Variants in MTFR1 observed in about 807,000 individuals in gnomAD.
MTFR1 encodes the protein mitochondrial fission regulator 1.
In MTFR1, 28 loss-of-function variants were observed where a neutral mutation model predicts 38.8. The ratio of observed to expected loss-of-function variants is 0.72; its 90% CI spans 0.53 to 0.99. MTFR1 has a LOEUF of 0.99. Ranked by LOEUF, MTFR1 falls within the 50% of genes least tolerant of loss-of-function variation. The pLI, the probability that MTFR1 is intolerant of heterozygous loss-of-function variation, is 0.00. For missense variants in MTFR1, 358 were observed against 395.5 expected, an observed-to-expected ratio of 0.91 and a Z score of 0.81; for synonymous variants, 145 against 137.0, an observed-to-expected ratio of 1.06 and a Z score of -0.41.
At chr8:65,753,402 C>G (rs1808060715) in intron 3 of MTFR1, among the ~76,000 whole-genome samples, 1 of 152,172 alleles carries the variant, frequency 6.6e-6, no homozygotes, top group Non-Finnish European at 1.5e-5. Flanking sequence ...TGCTATTTCT[C>G]TAAACCATAC....
intron 4 of MTFR1, among the ~76,000 whole-genome samples, chr8:65,695,868 T>C (rs1448132182): frequency 6.6e-6 from 1 of 152,138 alleles, no homozygotes; most frequent in Non-Finnish European, 1.5e-5. Flanking sequence ...GAAGCATGTA[T>C]AGAACGTGAA....
chr8:65,645,248 C>T (rs1028477461), intron 1 of MTFR1, among the ~76,000 whole-genome samples: 9 of 152,210 alleles, frequency 5.9e-5, no homozygotes, highest in Admixed American at 3.9e-4. Context: ...AGCCGGCCTC[C>T]GGGAGGAGCA....
At chr8:65,713,286 C>G (rs906607284), downstream of MTFR1, among the ~76,000 whole-genome samples, 1 of 152,008 alleles carries the variant, frequency 6.6e-6, no homozygotes, top group Non-Finnish European at 1.5e-5. Context: ...ACTAAAAATA[C>G]AAAAATTAGC....
intron 2 of MTFR1, 103 bp downstream of exon 2, chr8:65,670,121 C>CA: frequency 1.0e-6 from 1 of 966,226 alleles, no homozygotes; most frequent in Non-Finnish European, 1.6e-6. Flanking sequence ...ATCTTGAATT[C>CA]AATATGTTTA....
At chr8:65,668,523 T>C (rs1374565095) in intron 1 of MTFR1, among the ~76,000 whole-genome samples, 1 of 111,894 alleles carries the variant, frequency 8.9e-6, no homozygotes, top group East Asian at 1.9e-4. Context: ...TTTTTCTTTT[T>C]TCTTTTTTTT....
intron 4 of MTFR1, among the ~76,000 whole-genome samples, chr8:65,695,013 T>C (rs926428124): frequency 6.6e-6 from 1 of 152,196 alleles, no homozygotes; most frequent in South Asian, 2.1e-4. Flanking sequence ...CTAAGAAACA[T>C]AGAAAAGTTC....
intron 5 of MTFR1, among the ~76,000 whole-genome samples, chr8:65,706,433 T>A (rs1056023748): frequency 6.6e-5 from 10 of 152,112 alleles, no homozygotes; most frequent in African/African-American, 2.2e-4. Context: ...CTTAGTTACT[T>A]CTTGTTTTAG....
intron 3 of MTFR1, chr8:65,734,773 A>C: frequency 7.4e-7 from 1 of 1,350,222 alleles, no homozygotes; most frequent in East Asian, 2.3e-5. Context: ...TTTTCACCTG[A>C]AATCAATGTC....
chr8:65,681,518 CT>C (rs1804887442), intron 2 of MTFR1, among the ~76,000 whole-genome samples: 1 of 152,140 alleles, frequency 6.6e-6, no homozygotes, highest in Admixed American at 6.5e-5. Flanking sequence ...TACTACCTTT[CT>C]TTACTTATTC....
chr8:65,683,551 C>G (rs1352123372), intron 3 of MTFR1, among the ~76,000 whole-genome samples: 2 of 152,034 alleles, frequency 1.3e-5, no homozygotes, highest in Admixed American at 6.6e-5. Context: ...ATATAAAATT[C>G]AACAGATATC....
At chr8:65,674,599 T>A (rs1804659130) in intron 2 of MTFR1, among the ~76,000 whole-genome samples, 1 of 151,860 alleles carries the variant, frequency 6.6e-6, no homozygotes, top group Admixed American at 6.6e-5. Context: ...ACTATAAGAG[T>A]GAGACCCTGC....
chr8:65,709,588 A>G lies in MTFR1; in HGVS notation c.*544A>G, dbSNP rs948778826. 2 of 152,606 alleles carry G rather than the reference A, an allele frequency of 1.3e-5. No individual in the cohort carries two copies. Among genetic ancestry groups the G allele is most frequent in the Admixed American group, 1.3e-4 (2 of 15,326 alleles). The allele number at this position is 152,606 out of a possible 1,614,324, so 9.5% of individuals were successfully genotyped here. A position where few individuals can be genotyped will look rare whatever the true frequency, so the allele number is the denominator to read the frequency against. ...AAACTTCTTGCCTTGAACAGAACTT[A>G]TATCTTAGATTCTCTCTCACATTTT... On this transcript the variant is annotated 3_prime_UTR_variant, in exon 8 of 8. Coordinates refer to ENST00000262146, the MANE Select transcript of MTFR1 (RefSeq NM_014637.4).
At chr8:65,770,121 C>CTG (rs10608556) in intron 3 of MTFR1, among the ~76,000 whole-genome samples, 9,218 of 146,406 alleles carry the variant, frequency 0.063, 323 homozygotes, top group African/African-American at 0.075. Flanking sequence ...CAGTATACTT[C>CTG]TGTGTGTGTG....
chr8:65,682,201 T>C, intron 2 of MTFR1, 152 bp from the exon 3 acceptor site: 2 of 327,126 alleles, frequency 6.1e-6, no homozygotes, highest in Non-Finnish European at 1.1e-5. Context: ...TATTTTTGGA[T>C]TGAGAAACAT....
At chr8:65,657,403 C>T (rs1003057536) in intron 1 of MTFR1, among the ~76,000 whole-genome samples, 1 of 152,098 alleles carries the variant, frequency 6.6e-6, no homozygotes, top group Admixed American at 6.6e-5. Flanking sequence ...CACACCATAG[C>T]AGGGTTCAAA....
At chr8:65,666,191 G>T (rs113668696) in intron 1 of MTFR1, among the ~76,000 whole-genome samples, 1 of 152,210 alleles carries the variant, frequency 6.6e-6, no homozygotes, top group African/African-American at 2.4e-5. Context: ...TGGATCACCT[G>T]AGGTCAGGTG....
chr8:65,733,898 G>T (rs1221313887), intron 3 of MTFR1, among the ~76,000 whole-genome samples: 1 of 152,146 alleles, frequency 6.6e-6, no homozygotes, highest in Non-Finnish European at 1.5e-5. Context: ...AAGATCTAGG[G>T]AGAGAGCAGT....
intron 2 of MTFR1, chr8:65,719,233 C>T: frequency 1.7e-6 from 2 of 1,180,944 alleles, no homozygotes; most frequent in Non-Finnish European, 1.3e-6. Flanking sequence ...ACCTCAAGAC[C>T]CCATTTCACA....
chr8:65,698,146 T>C (rs1352078052), intron 4 of MTFR1, among the ~76,000 whole-genome samples: 1 of 148,448 alleles, frequency 6.7e-6, no homozygotes, highest in Non-Finnish European at 1.5e-5. Context: ...TCCATGATTT[T>C]TTTTTTTCTT....
Sources: allele counts gnomAD v4.1 joint callset (sites outside exome capture counted in the v4.1 genomes callset), GRCh38; gene constraint gnomAD v4.1.1; transcripts MANE v1.5; gene names NCBI Gene and HGNC (gene_info 2026-07-23, HGNC 2026-07-21).